PDE7B: variants seen among roughly 807,000 people sequenced by gnomAD.
The protein encoded by PDE7B is 3',5'-cyclic-AMP phosphodiesterase 7B.
Under a neutral mutation model 56.2 loss-of-function variants are expected in PDE7B, and 29 were observed. The observed-to-expected ratio is 0.52, with a 90% CI of 0.38 to 0.70. The LOEUF is 0.70. PDE7B is among the 30% of genes least tolerant of loss of function. The pLI is 0.00. For synonymous variants in PDE7B, 197 were observed against 196.9 expected, an observed-to-expected ratio of 1.00 and a Z score of 0.00; for missense variants, 490 against 565.0, an observed-to-expected ratio of 0.87 and a Z score of 1.35.
At chr6:135,959,369 A>T (rs1774857835) in intron 2 of PDE7B, among the ~76,000 whole-genome samples, 1 of 152,190 alleles carries the variant, frequency 6.6e-6, no homozygotes, top group South Asian at 2.1e-4. Context: ...ATTTATGTCG[A>T]AATGTAAATT....
intron 3 of PDE7B, among the ~76,000 whole-genome samples, chr6:136,141,906 A>G (rs1477041083): frequency 2.0e-5 from 3 of 151,018 alleles, no homozygotes; most frequent in Admixed American, 6.6e-5. Flanking sequence ...TCAAAAAACC[A>G]GCTTCTGGAT....
intron 1 of PDE7B, among the ~76,000 whole-genome samples, chr6:135,877,408 G>A (rs1775519022): frequency 7.3e-6 from 1 of 136,506 alleles, no homozygotes; most frequent in Non-Finnish European, 1.5e-5. Flanking sequence ...TCAGATGTCA[G>A]TTTCAGATTT....
intron 2 of PDE7B, among the ~76,000 whole-genome samples, chr6:136,009,868 C>T (rs898896823): frequency 4.6e-5 from 7 of 151,992 alleles, no homozygotes; most frequent in Admixed American, 2.0e-4. Flanking sequence ...GTCTAGCTAG[C>T]GGCCTATCAT....
At chr6:136,115,549 A>G (rs1253706335) in intron 3 of PDE7B, among the ~76,000 whole-genome samples, 2 of 152,228 alleles carry the variant, frequency 1.3e-5, no homozygotes, top group African/African-American at 4.8e-5. Flanking sequence ...GAGAAAAAAC[A>G]TATTCAAAAA....
rs1275183888 is a variant in PDE7B at position 136,195,525 on chromosome 6, G to C, written c.*3685G>C. ...CAAAATGTGGCCTAAGTAGCCATTG[G>C]CATGTCTAGATGAACAAATAAAAAT... On this transcript the variant is annotated 3_prime_UTR_variant, in exon 13 of 13. Coordinates refer to ENST00000308191, the MANE Select transcript of PDE7B (RefSeq NM_018945.4). 1 of 148,004 alleles carries C rather than the reference G, an allele frequency of 6.8e-6. No individual in the cohort carries two copies. The allele number at this position is 148,004 out of a possible 1,614,324, so 9.2% of individuals were successfully genotyped here.
At chr6:135,956,144 A>G (rs1486717982) in intron 2 of PDE7B, among the ~76,000 whole-genome samples, 1 of 152,158 alleles carries the variant, frequency 6.6e-6, no homozygotes, top group Non-Finnish European at 1.5e-5. Flanking sequence ...GTAGGAGACT[A>G]AAATAGAGTG....
At position 136,023,436 on chromosome 6, in the gene PDE7B, A is replaced by G. The variant is rs138904952; in HGVS notation, c.82+75912A>G. Among the ~76,000 whole-genome samples the G allele has an allele frequency of 2.1e-3, 318 of 152,332 alleles. 2 individuals carry two copies. Among genetic ancestry groups the G allele is most frequent in the Non-Finnish European group, 4.0e-3 (269 of 68,026 alleles). On this transcript the variant is annotated intron_variant, in intron 2 of 12. Coordinates refer to ENST00000308191, the MANE Select transcript of PDE7B (RefSeq NM_018945.4). ...TTTATCTAAAGCTTTCATGTAGCAA[A>G]GGGGCCACCAAATCTCTGAAGTTGT...
Position 135,872,958 on chromosome 6 carries a change from T to G in PDE7B, c.21+20939T>G, listed in dbSNP as rs978738054. ...TCTCTTATGTTCTGTTTTTGAAAAC[T>G]TCATAATCAGCAGATTAAAACTATC... On this transcript the variant is annotated intron_variant, in intron 1 of 12. Transcript: ENST00000308191. Among the ~76,000 whole-genome samples, 100 of 152,284 alleles carry G rather than the reference T, an allele frequency of 6.6e-4. 1 individual carries two copies. The highest frequency in any genetic ancestry group is 2.3e-3 in the African/African-American group (96 of 41,586).
chr6:135,969,703 T>C (rs1368624364), intron 2 of PDE7B, among the ~76,000 whole-genome samples: 1 of 152,138 alleles, frequency 6.6e-6, no homozygotes, highest in Non-Finnish European at 1.5e-5. Flanking sequence ...ATTCAGGACA[T>C]AGGTACAGGC....
intron 1 of PDE7B, among the ~76,000 whole-genome samples, chr6:135,924,188 C>G (rs954756149): frequency 2.6e-5 from 4 of 152,040 alleles, no homozygotes; most frequent in Non-Finnish European, 5.9e-5. Flanking sequence ...AATTCTTATT[C>G]CAGAAAAATT....
At chr6:135,916,670 C>T (rs534628991) in intron 1 of PDE7B, among the ~76,000 whole-genome samples, 19 of 152,002 alleles carry the variant, frequency 1.2e-4, no homozygotes, top group African/African-American at 3.6e-4. Flanking sequence ...GGATTACAGG[C>T]GTTAGCCACC....
chr6:136,149,785 A>G (rs991981363), intron 5 of PDE7B, among the ~76,000 whole-genome samples: 2 of 152,202 alleles, frequency 1.3e-5, no homozygotes, highest in African/African-American at 4.8e-5. Context: ...TTTGAGAGCC[A>G]ATGAAAGACA....
At chr6:135,940,347 A>T (rs1391920204) in intron 1 of PDE7B, among the ~76,000 whole-genome samples, 1 of 152,180 alleles carries the variant, frequency 6.6e-6, no homozygotes, top group Non-Finnish European at 1.5e-5. Context: ...ATAGCCTTCT[A>T]TGTTCTGACT....
At position 135,935,218 on chromosome 6, in the gene PDE7B, T is replaced by TATATA. The variant is rs1457746105; in HGVS notation, c.22-12246_22-12245insATATA. 9.2e-3 allele frequency among the ~76,000 whole-genome samples: 318 copies of TATATA among 34,708 alleles called. 55 individuals carry two copies. The highest frequency in any genetic ancestry group is 0.047 in the Admixed American group (135 of 2,894). 22.8% of individuals were successfully genotyped at this position (34,708 alleles called of 152,430 possible). On this transcript the variant is annotated intron_variant, in intron 1 of 12. Coordinates refer to ENST00000308191, the MANE Select transcript of PDE7B (RefSeq NM_018945.4). Reference sequence around the variant, plus strand: ...TATATATATATATATATATATATATTTTCATGATTCTTGCTCTCCAGGAAA... The same window carrying TATATA: ...TATATATATATATATATATATATATTATATATTCATGATTCTTGCTCTCCAGGAAA...
intron 1 of PDE7B, among the ~76,000 whole-genome samples, chr6:135,883,244 T>C (rs973711073): frequency 1.3e-5 from 2 of 152,186 alleles, no homozygotes; most frequent in Admixed American, 6.5e-5. Flanking sequence ...TGCGGCTCAA[T>C]TGGACATACA....
At chr6:136,013,632 C>A (rs374430934) in intron 2 of PDE7B, among the ~76,000 whole-genome samples, 1 of 152,134 alleles carries the variant, frequency 6.6e-6, no homozygotes, top group Non-Finnish European at 1.5e-5. Flanking sequence ...ACCTAAGATA[C>A]GTGTAGGAAT....
At chr6:135,871,378 A>T (rs1775376477) in intron 1 of PDE7B, among the ~76,000 whole-genome samples, 1 of 152,238 alleles carries the variant, frequency 6.6e-6, no homozygotes, top group African/African-American at 2.4e-5. Flanking sequence ...CAAAGTACAA[A>T]GACCACATAG....
chr6:136,039,990 C>G (rs1776387997), intron 2 of PDE7B, among the ~76,000 whole-genome samples: 1 of 152,122 alleles, frequency 6.6e-6, no homozygotes, highest in African/African-American at 2.4e-5. Context: ...GATAGGTGTA[C>G]ATTATTATTT....
At chr6:136,043,705 T>G (rs1044820151) in intron 2 of PDE7B, 1 of 152,152 alleles carries the variant, frequency 6.6e-6, no homozygotes, top group African/African-American at 2.4e-5. Context: ...CATTATCTTT[T>G]CTCTGTTCAG....
Sources: allele counts gnomAD v4.1 joint callset (sites outside exome capture counted in the v4.1 genomes callset), GRCh38; gene constraint gnomAD v4.1.1; transcripts MANE v1.5; gene names NCBI Gene and HGNC (gene_info 2026-07-23, HGNC 2026-07-21).